ZKSCAN4: variants seen among roughly 807,000 people sequenced by gnomAD.
ZKSCAN4 encodes zinc finger with KRAB and SCAN domains 4.
A neutral mutation model predicts 30.8 loss-of-function variants in ZKSCAN4; 23 were observed. The ratio of observed to expected loss-of-function variants is 0.75; its 90% CI spans 0.54 to 1.06. The LOEUF is 1.06. Among genes scored for constraint, ZKSCAN4 ranks in the 50% least tolerant of loss-of-function variants. ZKSCAN4 has a pLI of 0.00. For missense variants in ZKSCAN4, 556 were observed against 665.4 expected (o/e 0.84, Z 1.81); for synonymous variants, 208 against 252.5 (o/e 0.82, Z 1.67).
upstream of ZKSCAN4, among the ~76,000 whole-genome samples, chr6:28,254,000 A>G (rs1761105827): frequency 6.6e-6 from 1 of 152,216 alleles, no homozygotes; most frequent in Non-Finnish European, 1.5e-5. The surrounding 1 kb of genome is among the most constrained non-coding windows in gnomAD (Gnocchi z 4.2). Flanking sequence ...GAGTTAAGGA[A>G]TTAAATGACA....
chr6:28,246,912 T>C (rs1328883147), intron 4 of ZKSCAN4, 57 bp downstream of exon 4: 6 of 1,563,454 alleles, frequency 3.8e-6, no homozygotes, highest in Non-Finnish European at 5.2e-6. Flanking sequence ...GCCCAATAGG[T>C]TCTAATACGC....
At chr6:28,257,412 C>T in the ZKSCAN4 span, among the ~76,000 whole-genome samples, 4 of 152,080 alleles carry the variant, frequency 2.6e-5, no homozygotes, top group Non-Finnish European at 5.9e-5. Context: ...GGAGGGAGAG[C>T]AGCAGGACAA....
In ZKSCAN4 at chr6:28,252,141, C is replaced by G. The variant is rs1002814178; in HGVS notation, c.-161G>C. Reference sequence around the variant, plus strand: ...CCCTGAGGCGCAGCTGCACAGATCTCTCTTATAGTCCGTGCCTTTGCAGGG... The same window carrying G: ...CCCTGAGGCGCAGCTGCACAGATCTGTCTTATAGTCCGTGCCTTTGCAGGG... On this transcript the variant is annotated 5_prime_UTR_variant, in exon 1 of 5. Coordinates refer to ENST00000377294, the MANE Select transcript of ZKSCAN4 (RefSeq NM_019110.5). 4 of 629,578 alleles carry G rather than the reference C, an allele frequency of 6.4e-6. No homozygotes were observed. The highest frequency in any genetic ancestry group is 1.0e-5 in the Non-Finnish European group (4 of 393,112). The allele number at this position is 629,578 out of a possible 1,614,324, so 39.0% of individuals were successfully genotyped here.
intron 3 of ZKSCAN4, 23 bp downstream of exon 3, chr6:28,248,044 G>A: frequency 6.3e-7 from 1 of 1,592,816 alleles, no homozygotes; most frequent in African/African-American, 1.3e-5. Flanking sequence ...GGGCGCTGGG[G>A]AGGGAGAGGA....
At chr6:28,256,757 C>T (rs937699199), upstream of ZKSCAN4, among the ~76,000 whole-genome samples, 1 of 152,196 alleles carries the variant, frequency 6.6e-6, no homozygotes, top group Non-Finnish European at 1.5e-5. Context: ...ATACTTTTTG[C>T]ACCACTGCTT....
At chr6:28,250,028 C>T (rs1760921303) in intron 1 of ZKSCAN4, among the ~76,000 whole-genome samples, 194 bp from the exon 2 acceptor site, 1 of 150,894 alleles carries the variant, frequency 6.6e-6, no homozygotes, top group Non-Finnish European at 1.5e-5. Context: ...CGGATCCTCT[C>T]TCCTGAGTGG....
intron 1 of ZKSCAN4, among the ~76,000 whole-genome samples, chr6:28,250,050 TTTG>T (rs1337457346): frequency 1.3e-5 from 2 of 151,930 alleles, no homozygotes; most frequent in African/African-American, 4.8e-5. Flanking sequence ...CAGCATTTTT[TTTG>T]TTGTTGTTGG....
At chr6:28,254,760 C>T (rs754646597), upstream of ZKSCAN4, among the ~76,000 whole-genome samples, 5 of 152,156 alleles carry the variant, frequency 3.3e-5, no homozygotes, top group African/African-American at 4.8e-5. Context: ...AGCCCTGCGA[C>T]GGCATTTTCT....
At chr6:28,248,196 C>T (rs1760825857) in intron 2 of ZKSCAN4, 47 bp from the exon 3 acceptor site, 1 of 1,487,384 alleles carries the variant, frequency 6.7e-7, no homozygotes, top group Non-Finnish European at 9.2e-7. Context: ...AGTATTCAGC[C>T]TCCCCACCTT....
rs116237214 is a variant in ZKSCAN4, at chr6:28,243,269, A to G, written c.*1847T>C. 0.013 allele frequency among the ~76,000 whole-genome samples: 1,952 copies of G among 152,348 alleles called. 40 individuals are homozygous for G. Among genetic ancestry groups the G allele is most frequent in the African/African-American group, 0.043 (1,781 of 41,576 alleles). ...GGCAATAAAAGATTGTAGGGAATTA[A>G]TAAAGGGAGAGCTCTACGGTTTTGT... is the stretch of plus-strand genomic sequence containing the variant. On this transcript the variant is annotated 3_prime_UTR_variant, in exon 5 of 5. Coordinates refer to ENST00000377294, the MANE Select transcript of ZKSCAN4 (RefSeq NM_019110.5).
rs1490746306 is a variant in ZKSCAN4, at chr6:28,243,818, C to T, written c.*1298G>A. 1.3e-5 allele frequency among the ~76,000 whole-genome samples: 2 copies of T among 152,042 alleles called. No individual in the cohort carries two copies. The highest frequency in any genetic ancestry group is 4.8e-5 in the African/African-American group (2 of 41,396). On this transcript the variant is annotated 3_prime_UTR_variant, in exon 5 of 5. Coordinates refer to ENST00000377294, the MANE Select transcript of ZKSCAN4 (RefSeq NM_019110.5). ...TAGCAGGGATTACAGGCGTGTGTCA[C>T]CATGCCTGGCTAATTTTTGTATTTT... is the stretch of plus-strand genomic sequence containing the variant.
upstream of ZKSCAN4, among the ~76,000 whole-genome samples, chr6:28,254,817 G>A (rs1761134491): frequency 6.6e-6 from 1 of 152,190 alleles, no homozygotes; most frequent in South Asian, 2.1e-4. Context: ...TTATAAAGAC[G>A]TTAAACAAGC....
upstream of ZKSCAN4, among the ~76,000 whole-genome samples, chr6:28,252,589 G>C (rs1761055807): frequency 6.6e-6 from 1 of 152,146 alleles, no homozygotes; most frequent in Non-Finnish European, 1.5e-5. Context: ...AACCCTGGCA[G>C]GGGGACCTTT....
At chr6:28,248,000 C>T (rs1760811966) in intron 3 of ZKSCAN4, 67 bp downstream of exon 3, 1 of 1,226,430 alleles carries the variant, frequency 8.2e-7, no homozygotes, top group Admixed American at 2.3e-5. Context: ...GAGGGAGGAA[C>T]TTAATGCGGA....
rs760091165 is a variant in ZKSCAN4 at position 28,245,779 on chromosome 6, A to G, written c.975T>C (p.Cys325=). 5 of 1,614,206 alleles carry G rather than the reference A, an allele frequency of 3.1e-6. No homozygotes were observed. The highest frequency in any genetic ancestry group is 1.7e-5 in the Admixed American group (1 of 60,024). The change falls in exon 5 of 5, where the codon TGT becomes TGC. Residue 325 remains cysteine (C), a synonymous_variant. Coordinates refer to ENST00000377294, the MANE Select transcript of ZKSCAN4 (RefSeq NM_019110.5). ...IGSRRHYCHE[C]GKSFAQSSGL... is the part of the protein sequence containing the mutation. ...CTGAACTTTGAGCAAAACTCTTTCCACATTCATGGCAATAATGTCGCCTAC... is the reference window on the plus strand; with the variant it reads ...CTGAACTTTGAGCAAAACTCTTTCCGCATTCATGGCAATAATGTCGCCTAC...
rs897564561 is a variant in ZKSCAN4, at chr6:28,247,077, C to G, written c.670G>C (p.Glu224Gln). The part of the protein sequence containing the change: ...TPGSQGLLKM[E>Q]DVALTLTPGW... ...GGAGTGAGGGTCAGGGCCACATCTT[C>G]CATTTTCAGCAAACCCTAAAACAAT... Residue 224 changes from glutamate (E) to glutamine (Q), a missense_variant, in exon 4 of 5, where the codon GAA becomes CAA. Transcript: ENST00000377294. 3 of 1,609,112 alleles carry G rather than the reference C, an allele frequency of 1.9e-6. No individual in the cohort carries two copies. Among genetic ancestry groups the G allele is most frequent in the Non-Finnish European group, 2.5e-6 (3 of 1,177,890 alleles).
Position 28,245,444 on chromosome 6 carries a change from C to G in ZKSCAN4, c.1310G>C (p.Cys437Ser). ...TGAATTCCGCCTAAAGGCTTTGCCACACATATTGCACTGGTATGGCTTCTC... is the reference window on the plus strand; with the variant it reads ...TGAATTCCGCCTAAAGGCTTTGCCAGACATATTGCACTGGTATGGCTTCTC... The part of the protein sequence containing the change: ...TGEKPYQCNM[C>S]GKAFRRNSHL... Residue 437 changes from cysteine (C) to serine (S), a missense_variant, in exon 5 of 5, where the codon TGT becomes TCT. Transcript: ENST00000377294. The G allele has an allele frequency of 6.2e-7, 1 of 1,614,250 alleles. No homozygotes were observed. Among genetic ancestry groups the G allele is most frequent in the Non-Finnish European group, 8.5e-7 (1 of 1,180,052 alleles).
upstream of ZKSCAN4, among the ~76,000 whole-genome samples, chr6:28,256,423 C>T (rs1761176715): frequency 6.6e-6 from 1 of 151,884 alleles, no homozygotes; most frequent in African/African-American, 2.4e-5. Context: ...AGAGTAAGAC[C>T]CTGTCTCAAA....
Position 28,248,605 on chromosome 6 carries a change from G to A in ZKSCAN4, c.572-456C>T, listed in dbSNP as rs375810661. Among the ~76,000 whole-genome samples, 16 of 152,118 alleles carry A rather than the reference G, an allele frequency of 1.1e-4. No individual in the cohort carries two copies. The South Asian group carries it at 3.3e-3, about 32-fold the overall frequency. On this transcript the variant is annotated intron_variant, in intron 2 of 4. Coordinates refer to ENST00000377294, the MANE Select transcript of ZKSCAN4 (RefSeq NM_019110.5). ...GCACTTTGGGAGGCTGAGACAGGTG[G>A]GTTGCCTGAGTTCCGGAATTCGAGA...
Sources: gnomAD v4.1 joint callset for allele counts (sites outside exome capture counted in the v4.1 genomes callset) on GRCh38, gnomAD v4.1.1 for gene constraint, Gnocchi (gnomAD v3.1) non-coding constraint, MANE v1.5 for transcripts, NCBI Gene and HGNC (gene_info 2026-07-23, HGNC 2026-07-21) for gene names.